ZMAT4: variants seen among roughly 807,000 people sequenced by gnomAD.
The protein encoded by ZMAT4 is zinc finger matrin-type protein 4.
ZMAT4 carries 17 observed loss-of-function variants against 28.7 expected under a neutral mutation model. The observed-to-expected ratio is 0.59, with a 90% CI of 0.41 to 0.89. The LOEUF (loss-of-function observed/expected upper bound fraction) is 0.89. Ranked by LOEUF, ZMAT4 falls within the 40% of genes least tolerant of loss-of-function variation. ZMAT4 has a pLI of 0.00. For missense variants in ZMAT4, 240 were observed against 283.8 expected (o/e 0.85, Z 1.11); for synonymous variants, 117 against 109.2 (o/e 1.07, Z -0.44).
At chr8:40,763,463 A>G (rs1813018193) in intron 3 of ZMAT4, among the ~76,000 whole-genome samples, 1 of 152,146 alleles carries the variant, frequency 6.6e-6, no homozygotes, top group Non-Finnish European at 1.5e-5. Context: ...TCATATATAT[A>G]AAGCATTTAG....
At chr8:40,760,470 G>T (rs186204452) in intron 3 of ZMAT4, among the ~76,000 whole-genome samples, 1 of 152,078 alleles carries the variant, frequency 6.6e-6, no homozygotes, top group African/African-American at 2.4e-5. Flanking sequence ...GCCCTGCTTC[G>T]CAGCACCCTC....
intron 5 of ZMAT4, among the ~76,000 whole-genome samples, chr8:40,654,589 A>C (rs1029844587): frequency 6.6e-6 from 1 of 152,164 alleles, no homozygotes; most frequent in African/African-American, 2.4e-5. Flanking sequence ...CTAAATCCAG[A>C]AACCTAAAAA....
chr8:40,827,069 G>A (rs1816083350), intron 1 of ZMAT4, among the ~76,000 whole-genome samples: 1 of 152,136 alleles, frequency 6.6e-6, no homozygotes, highest in Non-Finnish European at 1.5e-5. Flanking sequence ...CTATAAGACA[G>A]TCCAAAGTTA....
intron 1 of ZMAT4, among the ~76,000 whole-genome samples, chr8:40,858,174 AG>A (rs1742689405): frequency 6.6e-6 from 1 of 152,244 alleles, no homozygotes; most frequent in Admixed American, 6.5e-5. Flanking sequence ...TCACACGAGA[AG>A]ACATGAAAAC....
intron 4 of ZMAT4, among the ~76,000 whole-genome samples, chr8:40,694,619 A>G (rs1373817008): frequency 6.6e-6 from 1 of 152,118 alleles, no homozygotes; most frequent in African/African-American, 2.4e-5. Flanking sequence ...GGACACCCCC[A>G]CAATGCCTAC....
intron 2 of ZMAT4, among the ~76,000 whole-genome samples, chr8:40,823,526 T>C (rs1815906538): frequency 6.6e-6 from 1 of 152,030 alleles, no homozygotes; most frequent in African/African-American, 2.4e-5. Flanking sequence ...AGGTGTGGTG[T>C]CACGCGCCTG....
chr8:40,695,711 C>A (rs751726436), intron 4 of ZMAT4, among the ~76,000 whole-genome samples: 1 of 144,024 alleles, frequency 6.9e-6, no homozygotes, highest in Admixed American at 7.1e-5. Flanking sequence ...CAATTGGATG[C>A]TTGGTTGTCT....
intron 3 of ZMAT4, among the ~76,000 whole-genome samples, chr8:40,729,328 T>C (rs1239931976): frequency 6.6e-6 from 1 of 152,180 alleles, no homozygotes; most frequent in Non-Finnish European, 1.5e-5. Flanking sequence ...GGTCTGTGTA[T>C]TGTGCTGACC....
chr8:40,842,867 C>G (rs528547491), intron 1 of ZMAT4, among the ~76,000 whole-genome samples: 1 of 152,184 alleles, frequency 6.6e-6, no homozygotes, highest in East Asian at 1.9e-4. Flanking sequence ...TCTCCGCCCC[C>G]GAGGTTCAAG....
intron 4 of ZMAT4, among the ~76,000 whole-genome samples, chr8:40,682,783 G>A (rs1359434561): frequency 6.6e-6 from 1 of 152,114 alleles, no homozygotes; most frequent in Non-Finnish European, 1.5e-5. Context: ...CGTTAAGAGA[G>A]TATTCATAGA....
chr8:40,657,602 C>G (rs193205268), intron 5 of ZMAT4, among the ~76,000 whole-genome samples: 8 of 152,248 alleles, frequency 5.3e-5, no homozygotes, highest in Non-Finnish European at 1.0e-4. Flanking sequence ...TCCTCTTTCT[C>G]CTTGGTCTTC....
intron 2 of ZMAT4, among the ~76,000 whole-genome samples, chr8:40,788,477 C>T (rs1024292055): frequency 9.2e-5 from 14 of 151,954 alleles, no homozygotes; most frequent in African/African-American, 2.2e-4. Context: ...CCCAGCTACT[C>T]GGGAGGCTGA....
chr8:40,750,903 C>A (rs549093334), intron 3 of ZMAT4, among the ~76,000 whole-genome samples: 2 of 152,308 alleles, frequency 1.3e-5, no homozygotes, highest in East Asian at 3.9e-4. Flanking sequence ...AGTCTGTTGC[C>A]ACCAGAATTC....
At chr8:40,747,606 C>A (rs953857261) in intron 3 of ZMAT4, among the ~76,000 whole-genome samples, 3 of 150,746 alleles carry the variant, frequency 2.0e-5, no homozygotes, top group Admixed American at 6.6e-5. Flanking sequence ...GAAAAAAAAA[C>A]AACACATAAA....
At chr8:40,877,696 G>A (rs1332855854) in intron 1 of ZMAT4, among the ~76,000 whole-genome samples, 2 of 152,204 alleles carry the variant, frequency 1.3e-5, no homozygotes, top group African/African-American at 4.8e-5. Flanking sequence ...GTGTGTGTGT[G>A]TGTAGAGGGA....
chr8:40,553,793 A>C (rs1206402163), intron 6 of ZMAT4, among the ~76,000 whole-genome samples: 1 of 152,202 alleles, frequency 6.6e-6, no homozygotes, highest in Admixed American at 6.5e-5. Context: ...TTCTAGATCA[A>C]TCTCTTCCTA....
chr8:40,606,273 T>C (rs1343101110), intron 5 of ZMAT4, among the ~76,000 whole-genome samples: 6 of 152,196 alleles, frequency 3.9e-5, no homozygotes, highest in Non-Finnish European at 1.5e-5. Context: ...TTTATAGGTC[T>C]TGTGAAATTT....
rs780248337 is a variant in ZMAT4, at chr8:40,767,735, G to A, written c.103-5C>T. On this transcript the variant is annotated splice_polypyrimidine_tract_variant and splice_region_variant and intron_variant, in intron 2 of 6. Coordinates refer to ENST00000297737, the MANE Select transcript of ZMAT4 (RefSeq NM_024645.3). ...TTTGCTTGCATGTTTTCGACTCTGG[G>A]AAGGAAAAGCATAAGCAGATACTGT... 23 of 1,610,600 alleles carry A rather than the reference G, an allele frequency of 1.4e-5. No homozygotes were observed. In the African/African-American group the frequency reaches 2.8e-4, roughly 20 times the overall value.
rs1447121618 is a variant in ZMAT4 at position 40,776,833 on chromosome 8, T to C, written c.103-9103A>G. Among the ~76,000 whole-genome samples the C allele has an allele frequency of 2.0e-5, 3 of 149,536 alleles. No individual in the cohort carries two copies. The East Asian group carries it at 5.8e-4, about 29-fold the overall frequency. ...GATGTCTCAGGTTTCTTCTATAAAA[T>C]TTGTGGCTGGACTAAGAACCTGTGT... On this transcript the variant is annotated intron_variant, in intron 2 of 6. Transcript: ENST00000297737.
Sources: allele counts gnomAD v4.1 joint callset (sites outside exome capture counted in the v4.1 genomes callset), GRCh38; gene constraint gnomAD v4.1.1; transcripts MANE v1.5; gene names NCBI Gene and HGNC (gene_info 2026-07-23, HGNC 2026-07-21).